The following UGT2A3 variants were observed in gnomAD, a reference collection of about 807,000 sequenced individuals.
UGT2A3 encodes UDP glucuronosyltransferase family 2 member A3.
Under a neutral mutation model 44.1 loss-of-function variants are expected in UGT2A3, and 55 were observed. The observed-to-expected ratio is 1.25, with a 90% CI of 1.00 to 1.56. The LOEUF (loss-of-function observed/expected upper bound fraction) is 1.56. Ranked by LOEUF, UGT2A3 falls within the 40% of genes most tolerant of loss-of-function variation. UGT2A3 has a pLI of 0.00. For missense variants in UGT2A3, 733 were observed against 621.6 expected (o/e 1.18, Z -1.91); for synonymous variants, 243 against 215.1 (o/e 1.13, Z -1.13).
chr4:68,945,354 A>G lies in UGT2A3; in HGVS notation c.816T>C (p.Phe272=). The G allele has an allele frequency of 6.2e-7, 1 of 1,611,544 alleles. No homozygotes were observed. Among genetic ancestry groups the G allele is most frequent in the Non-Finnish European group, 8.5e-7 (1 of 1,178,530 alleles). The change falls in exon 2 of 6, where the codon TTT becomes TTC. Residue 272 remains phenylalanine (F), a synonymous_variant. Transcript: ENST00000251566. The stretch of plus-strand genomic sequence containing the variant: ...TACAGTGCAATCCTCCAACAAACTC[A>G]AAGTTAGGTTGGTATGGTTGAGGAA... ...FEFPQPYQPN[F]EFVGGLHCKP...
chr4:68,944,995 A>G (rs1718332179), intron 2 of UGT2A3, among the ~76,000 whole-genome samples: 1 of 151,758 alleles, frequency 6.6e-6, no homozygotes, highest in Non-Finnish European at 1.5e-5. Flanking sequence ...TGATTGTGAG[A>G]AAGGCTAGAG....
chr4:68,944,864 C>T (rs1348045188), intron 2 of UGT2A3, among the ~76,000 whole-genome samples: 3 of 151,648 alleles, frequency 2.0e-5, no homozygotes, highest in African/African-American at 7.3e-5. Context: ...TATTCTTTGT[C>T]TTCCTTCATC....
chr4:68,930,676 G>GA lies in UGT2A3; in HGVS notation c.1173dup (p.Pro392SerfsTer5). 6.2e-7 allele frequency: 1 copy of GA among 1,613,270 alleles called. No individual in the cohort carries two copies. Among genetic ancestry groups the GA allele is most frequent in the East Asian group, 2.2e-5 (1 of 44,806 alleles). On this transcript the variant is annotated frameshift_variant, in exon 5 of 6. Coordinates refer to ENST00000251566, the MANE Select transcript of UGT2A3 (RefSeq NM_024743.4). LOFTEE classifies it high-confidence loss of function. ...TTATCAAGCTGATCACCAAATATGG[G>GA]AACTCCCACCATAGGGACCCCATGG...
chr4:68,945,969 T>C (rs974881810), intron 1 of UGT2A3, among the ~76,000 whole-genome samples: 6 of 151,628 alleles, frequency 4.0e-5, no homozygotes, highest in Non-Finnish European at 8.9e-5. Flanking sequence ...TCAGTTCCCT[T>C]TAACTTGCTG....
chr4:68,943,323 T>C (rs1718265314), intron 2 of UGT2A3: 8 of 1,272,268 alleles, frequency 6.3e-6, no homozygotes, highest in Non-Finnish European at 8.1e-6. Context: ...TCTGTATTTC[T>C]ATTTTAGATA....
chr4:68,933,030 T>C (rs1717795072), intron 2 of UGT2A3, among the ~76,000 whole-genome samples: 1 of 152,070 alleles, frequency 6.6e-6, no homozygotes, highest in South Asian at 2.1e-4. Flanking sequence ...TCTCTTTTCA[T>C]GTCTGTGTCA....
chr4:68,951,179 C>T lies in UGT2A3; in HGVS notation c.582G>A (p.Val194=). 6.2e-7 allele frequency: 1 copy of T among 1,612,068 alleles called. No individual in the cohort carries two copies. Among genetic ancestry groups the T allele is most frequent in the Non-Finnish European group, 8.5e-7 (1 of 1,179,012 alleles). The change falls in exon 1 of 6, where the codon GTG becomes GTA. Residue 194 remains valine, a synonymous_variant. Transcript: ENST00000251566. The part of the protein sequence containing the change: ...KLPAPLSYVP[V]PMTGLTDRMT... ...TTCTGTCTGTTAGTCCTGTCATAGGCACAGGTACATAGGAAAGTGGAGCTG... is the reference window on the plus strand; with the variant it reads ...TTCTGTCTGTTAGTCCTGTCATAGGTACAGGTACATAGGAAAGTGGAGCTG...
At chr4:68,936,546 G>C (rs961031363) in intron 2 of UGT2A3, among the ~76,000 whole-genome samples, 5 of 152,026 alleles carry the variant, frequency 3.3e-5, no homozygotes, top group African/African-American at 1.2e-4. Flanking sequence ...TGCCTTACAA[G>C]AGCTCCCGAA....
chr4:68,938,186 A>C (rs1325189039), intron 2 of UGT2A3, among the ~76,000 whole-genome samples: 1 of 152,050 alleles, frequency 6.6e-6, no homozygotes, highest in African/African-American at 2.4e-5. Context: ...AAAAGAGAGA[A>C]TCCTCCCTAA....
chr4:68,932,827 C>A, intron 2 of UGT2A3, 68 bp from the exon 3 acceptor site: 4 of 1,457,242 alleles, frequency 2.7e-6, no homozygotes, highest in East Asian at 2.3e-5. Context: ...AGGTTACTTA[C>A]ACTTCTAAAA....
intron 2 of UGT2A3, among the ~76,000 whole-genome samples, chr4:68,938,712 G>A (rs1718064884): frequency 6.6e-6 from 1 of 152,060 alleles, no homozygotes; most frequent in South Asian, 2.1e-4. Flanking sequence ...GGGCAATCAG[G>A]CAAGAGAAAG....
chr4:68,951,524 C>T lies in UGT2A3; in HGVS notation c.237G>A (p.Met79Ile), dbSNP rs781134322. 1 of 1,612,932 alleles carries T rather than the reference C, an allele frequency of 6.2e-7. No homozygotes were observed. The highest frequency in any genetic ancestry group is 1.1e-5 in the South Asian group (1 of 91,064). Residue 79 changes from methionine (M) to isoleucine (I), a missense_variant, in exon 1 of 6, where the codon ATG becomes ATA. Met to Ile is a conservative substitution (Grantham distance 10, BLOSUM62 1). Transcript: ENST00000251566. Reference sequence around the variant, plus strand: ...CATTTTCTTCTGTTCTGTCCTGTGGCATATGGACCACCTCAAATTTCAATG... The same window carrying T: ...CATTTTCTTCTGTTCTGTCCTGTGGTATATGGACCACCTCAAATTTCAATG... Reference protein sequence around the residue: ...PSALKFEVVHMPQDRTEENEI... With the variant: ...PSALKFEVVHIPQDRTEENEI...
intron 1 of UGT2A3, among the ~76,000 whole-genome samples, chr4:68,950,324 A>G (rs1718534203): frequency 6.6e-6 from 1 of 151,930 alleles, no homozygotes; most frequent in African/African-American, 2.4e-5. Context: ...GTTGGAATAC[A>G]TTAAACAATA....
At chr4:68,935,928 A>G (rs1717934769) in intron 2 of UGT2A3, among the ~76,000 whole-genome samples, 1 of 152,068 alleles carries the variant, frequency 6.6e-6, no homozygotes, top group Non-Finnish European at 1.5e-5. Flanking sequence ...GCAAGCTTCA[A>G]TAGCCGATTT....
rs770516190 is a variant in UGT2A3 at position 68,930,783 on chromosome 4, T to A, written c.1085-18A>T. On this transcript the variant is annotated intron_variant, in intron 4 of 5. Transcript: ENST00000251566. The stretch of plus-strand genomic sequence containing the variant: ...GGGATGACCTAGTATGTAAATTGGA[T>A]GAGAAATGGTGAGATATTTTATTCT... 1 of 1,525,078 alleles carries A rather than the reference T, an allele frequency of 6.6e-7. No homozygotes were observed. The highest frequency in any genetic ancestry group is 8.8e-7 in the Non-Finnish European group (1 of 1,132,926). 94.5% of individuals were successfully genotyped at this position (1,525,078 alleles called of 1,614,324 possible).
At chr4:68,931,006 T>A (rs1717715332) in intron 4 of UGT2A3, 149 bp downstream of exon 4, 1 of 749,040 alleles carries the variant, frequency 1.3e-6, no homozygotes, top group Non-Finnish European at 2.1e-6. Flanking sequence ...ATCTATACAA[T>A]TTTAGTCAAT....
chr4:68,930,995 A>G (rs1717714656), intron 4 of UGT2A3, among the ~76,000 whole-genome samples, 160 bp downstream of exon 4: 1 of 152,142 alleles, frequency 6.6e-6, no homozygotes, highest in African/African-American at 2.4e-5. Context: ...AGAAAGTGTG[A>G]ATCTATACAA....
chr4:68,937,064 G>A, intron 2 of UGT2A3, among the ~76,000 whole-genome samples: 1 of 152,002 alleles, frequency 6.6e-6, no homozygotes, highest in East Asian at 1.9e-4. Context: ...GGAGCACCCA[G>A]ATTCATAAAG....
chr4:68,933,577 T>C (rs1420721542), intron 2 of UGT2A3, among the ~76,000 whole-genome samples: 1 of 151,990 alleles, frequency 6.6e-6, no homozygotes, highest in Non-Finnish European at 1.5e-5. Context: ...GGGAATTCAC[T>C]GATGAGGACC....
Sources: allele counts gnomAD v4.1 joint callset (sites outside exome capture counted in the v4.1 genomes callset), GRCh38; gene constraint gnomAD v4.1.1; transcripts MANE v1.5; gene names NCBI Gene and HGNC (gene_info 2026-07-23, HGNC 2026-07-21).